Variants in CSMD1 observed in about 807,000 individuals in gnomAD.
The protein encoded by CSMD1 is CUB and Sushi multiple domains 1.
A neutral mutation model predicts 417.5 loss-of-function variants in CSMD1; 213 were observed. The ratio of observed to expected loss-of-function variants is 0.51; its 90% CI spans 0.46 to 0.57. The LOEUF (loss-of-function observed/expected upper bound fraction) is 0.57. Ranked by LOEUF, CSMD1 falls within the 20% of genes least tolerant of loss-of-function variation. The pLI, the probability that CSMD1 is intolerant of heterozygous loss-of-function variation, is 0.00. For missense variants in CSMD1, 6,923 were observed against 4,529.7 expected (o/e 1.53, Z -15.17); for synonymous variants, 2,862 against 1,736.8 (o/e 1.65, Z -16.11).
intron 10 of CSMD1, among the ~76,000 whole-genome samples, chr8:3,506,984 G>C (rs962407340): frequency 7.2e-5 from 11 of 152,126 alleles, no homozygotes; most frequent in African/African-American, 2.2e-4. Flanking sequence ...CTTTGATATA[G>C]AGTTTCTAAT....
At chr8:3,771,384 G>C (rs1798565266) in intron 5 of CSMD1, among the ~76,000 whole-genome samples, 1 of 152,180 alleles carries the variant, frequency 6.6e-6, no homozygotes, top group South Asian at 2.1e-4. Context: ...TCTGCAAAAA[G>C]AGTTTACAAA....
intron 10 of CSMD1, among the ~76,000 whole-genome samples, chr8:3,509,750 T>C (rs906121647): frequency 1.3e-5 from 2 of 152,206 alleles, no homozygotes; most frequent in East Asian, 3.9e-4. Context: ...TGATATTTTG[T>C]TCTAGAATCC....
At chr8:3,639,833 T>C (rs1797220624) in intron 7 of CSMD1, among the ~76,000 whole-genome samples, 1 of 152,232 alleles carries the variant, frequency 6.6e-6, no homozygotes, top group Non-Finnish European at 1.5e-5. Context: ...AGCAAAAATC[T>C]AATCATATTA....
At chr8:3,410,150 C>T (rs1812592811) in intron 12 of CSMD1, among the ~76,000 whole-genome samples, 1 of 152,226 alleles carries the variant, frequency 6.6e-6, no homozygotes, top group East Asian at 1.9e-4. Context: ...ATTAAAACAT[C>T]ACTGTAATAA....
At chr8:3,182,870 G>GTGTGTGTGTC (rs1821472684) in intron 36 of CSMD1, 1 of 135,474 alleles carries the variant, frequency 7.4e-6, no homozygotes, top group Non-Finnish European at 1.6e-5. Context: ...GTGTGTGTGT[G>GTGTGTGTGTC]TGTGTGTGTG....
chr8:4,871,110 G>C (rs1563638655), intron 1 of CSMD1, among the ~76,000 whole-genome samples: 1 of 152,134 alleles, frequency 6.6e-6, no homozygotes, highest in Non-Finnish European at 1.5e-5. Context: ...GGCAGTAGCT[G>C]GGGCTGGGAG....
chr8:4,991,610 C>T (rs1280894122), intron 1 of CSMD1, among the ~76,000 whole-genome samples: 1 of 152,164 alleles, frequency 6.6e-6, no homozygotes, highest in Non-Finnish European at 1.5e-5. Flanking sequence ...GCGCTCCTCC[C>T]CGGGAAAGCC....
chr8:4,534,746 C>T (rs573740362), intron 2 of CSMD1, among the ~76,000 whole-genome samples: 14 of 152,188 alleles, frequency 9.2e-5, no homozygotes, highest in Non-Finnish European at 1.9e-4. Context: ...ACTCCATCCA[C>T]GTACAATTTC....
intron 1 of CSMD1, among the ~76,000 whole-genome samples, chr8:4,951,150 G>T (rs544445368): frequency 1.3e-5 from 2 of 152,094 alleles, no homozygotes; most frequent in African/African-American, 4.8e-5. Flanking sequence ...CTGTCCCCTT[G>T]TTTCTGCATC....
intron 36 of CSMD1, among the ~76,000 whole-genome samples, chr8:3,181,612 T>A (rs953617807): frequency 6.6e-6 from 1 of 152,186 alleles, no homozygotes; most frequent in Non-Finnish European, 1.5e-5. Flanking sequence ...ACCCTGTGGA[T>A]AGTGATCTGA....
chr8:3,053,574 G>A (rs978722044), intron 49 of CSMD1, among the ~76,000 whole-genome samples: 2 of 152,172 alleles, frequency 1.3e-5, no homozygotes, highest in African/African-American at 4.8e-5. Context: ...TAGTGGGGAT[G>A]TGGACCGCTT....
intron 18 of CSMD1, among the ~76,000 whole-genome samples, chr8:3,384,780 T>TATATTATATA (rs1563333159): frequency 1.6e-5 from 2 of 121,670 alleles, no homozygotes; most frequent in Admixed American, 1.0e-4. Flanking sequence ...TATATTTATA[T>TATATTATATA]AATATATATT....
chr8:3,857,380 G>C lies in CSMD1; in HGVS notation c.819-103338C>G, dbSNP rs140837256. ...AAACAAAGCTCCTAAGATTTAAAGA[G>C]ATTGGCCTATATTTGGAATAACAAG... is the stretch of plus-strand genomic sequence containing the variant. On this transcript the variant is annotated intron_variant, in intron 5 of 69. Transcript: ENST00000635120. 4.3e-3 allele frequency among the ~76,000 whole-genome samples: 653 copies of C among 152,292 alleles called. 5 individuals are homozygous for C. Among genetic ancestry groups the C allele is most frequent in the African/African-American group, 0.014 (590 of 41,570 alleles).
chr8:3,951,404 G>A (rs895439417), intron 5 of CSMD1, among the ~76,000 whole-genome samples: 1 of 152,172 alleles, frequency 6.6e-6, no homozygotes. Flanking sequence ...AAAGGCATTT[G>A]GGGCAGAATG....
intron 52 of CSMD1, among the ~76,000 whole-genome samples, chr8:3,010,519 TC>T (rs1465098335): frequency 6.6e-6 from 1 of 152,072 alleles, no homozygotes; most frequent in Non-Finnish European, 1.5e-5. Flanking sequence ...TTCAGGCAAG[TC>T]CGACTTCCTT....
At chr8:4,523,092 G>C (rs1365011722) in intron 2 of CSMD1, among the ~76,000 whole-genome samples, 1 of 152,116 alleles carries the variant, frequency 6.6e-6, no homozygotes, top group African/African-American at 2.4e-5. Context: ...CCAACCTTTT[G>C]GTGGGTGGTA....
chr8:4,559,560 T>C (rs746651169), intron 2 of CSMD1, among the ~76,000 whole-genome samples: 1 of 152,212 alleles, frequency 6.6e-6, no homozygotes, highest in Non-Finnish European at 1.5e-5. Context: ...TTGTTGTGTG[T>C]GTAAGTCATC....
intron 1 of CSMD1, among the ~76,000 whole-genome samples, chr8:4,774,027 C>A (rs548936732): frequency 6.6e-5 from 10 of 152,130 alleles, no homozygotes; most frequent in Admixed American, 5.9e-4. Flanking sequence ...GAAACCCCAA[C>A]TCTACTAAAA....
intron 3 of CSMD1, among the ~76,000 whole-genome samples, chr8:4,274,358 C>G (rs954313910): frequency 2.6e-5 from 4 of 152,096 alleles, no homozygotes; most frequent in South Asian, 4.1e-4. Context: ...TTTCACTTTT[C>G]TAAACTATGA....
Sources: allele counts gnomAD v4.1 joint callset (sites outside exome capture counted in the v4.1 genomes callset), GRCh38; gene constraint gnomAD v4.1.1; transcripts MANE v1.5; gene names NCBI Gene and HGNC (gene_info 2026-07-23, HGNC 2026-07-21).